The following NUP98 variants were observed in gnomAD, a reference collection of about 807,000 sequenced individuals.
NUP98 encodes nuclear pore complex protein Nup98-Nup96.
Under a neutral mutation model 191.9 loss-of-function variants are expected in NUP98, and 26 were observed. The observed-to-expected ratio is 0.14, with a 90% CI of 0.10 to 0.19. The LOEUF is 0.19. Among genes scored for constraint, NUP98 ranks in the 10% least tolerant of loss-of-function variants. NUP98 has a pLI of 1.00. For synonymous variants in NUP98, 808 were observed against 778.4 expected (o/e 1.04, Z -0.63); for missense variants, 1,941 against 2,178.8 (o/e 0.89, Z 2.17).
intron 31 of NUP98, among the ~76,000 whole-genome samples, chr11:3,677,613 G>A (rs2741863): frequency 0.65 from 98,179 of 151,704 alleles, 32,315 homozygotes; most frequent in Admixed American, 0.77. Context: ...TTACTTGTAT[G>A]TATCTCCCCC....
rs757570909 is a variant in NUP98, at chr11:3,763,050, GTT to G, written c.949-13_949-12del. 8.7e-6 allele frequency: 14 copies of G among 1,611,264 alleles called. No homozygotes were observed. The highest frequency in any genetic ancestry group is 1.2e-5 in the Non-Finnish European group (14 of 1,178,956). ...TACTCCAAATAATCCCTGCAAAGAAGTTTATATAGATTAAAAGATATCCTGTA... is the reference window on the plus strand; with the variant it reads ...TACTCCAAATAATCCCTGCAAAGAAGTATATAGATTAAAAGATATCCTGTA... On this transcript the variant is annotated splice_polypyrimidine_tract_variant and intron_variant, in intron 8 of 32. Transcript: ENST00000324932.
intron 16 of NUP98, among the ~76,000 whole-genome samples, chr11:3,721,672 C>T (rs2079405424): frequency 6.6e-6 from 1 of 151,838 alleles, no homozygotes; most frequent in South Asian, 2.1e-4. Flanking sequence ...GCACTCCAGC[C>T]TGGGCAACCA....
intron 25 of NUP98, chr11:3,696,539 T>C (rs1443654608): frequency 1.3e-5 from 2 of 151,844 alleles, no homozygotes; most frequent in Non-Finnish European, 2.9e-5. Context: ...CCGGAGGCAG[T>C]GGTTCACGCC....
chr11:3,732,942 C>T lies in NUP98; in HGVS notation c.1543-1364G>A, dbSNP rs554010232. Among the ~76,000 whole-genome samples, 4 of 152,322 alleles carry T rather than the reference C, an allele frequency of 2.6e-5. No individual in the cohort carries two copies. In the East Asian group the frequency reaches 7.7e-4, roughly 29 times the overall value. On this transcript the variant is annotated intron_variant, in intron 13 of 32. Coordinates refer to ENST00000324932, the MANE Select transcript of NUP98 (RefSeq NM_016320.5). ...CCTAGACTCGCCAAGCCCTACATAT[C>T]CATACAAAAAAGTTAAATGTTCCTC...
At chr11:3,792,721 T>C (rs1486019492) in intron 1 of NUP98, among the ~76,000 whole-genome samples, 7 of 151,990 alleles carry the variant, frequency 4.6e-5, no homozygotes, top group Admixed American at 4.6e-4. Flanking sequence ...ATCACAGAAG[T>C]GTAAAGGTCT....
intron 1 of NUP98, among the ~76,000 whole-genome samples, chr11:3,785,519 G>T (rs1024565816): frequency 4.6e-5 from 7 of 152,178 alleles, no homozygotes; most frequent in African/African-American, 1.7e-4. Flanking sequence ...AGCACTTTGG[G>T]AGGCCAAGGT....
At chr11:3,753,115 C>T (rs897579029) in intron 11 of NUP98, among the ~76,000 whole-genome samples, 15 of 152,178 alleles carry the variant, frequency 9.9e-5, no homozygotes, top group Admixed American at 1.3e-4. Context: ...GAAAAGGGAG[C>T]ATACAGCTTC....
chr11:3,676,441 G>A, intron 32 of NUP98, 65 bp from the exon 33 acceptor site: 2 of 1,601,536 alleles, frequency 1.2e-6, no homozygotes. Context: ...AGGCACTGAG[G>A]GTGGGGTGTA....
chr11:3,711,625 G>A (rs2079025127), intron 20 of NUP98: 1 of 171,070 alleles, frequency 5.8e-6, no homozygotes, highest in African/African-American at 2.4e-5. Context: ...AGAAGGAGAT[G>A]ATACAAAGCA....
Position 3,676,122 on chromosome 11 carries a change from G to T in NUP98, c.*37C>A. The T allele has an allele frequency of 1.3e-6, 2 of 1,589,218 alleles. No individual in the cohort carries two copies. The highest frequency in any genetic ancestry group is 1.1e-5 in the South Asian group (1 of 89,680). Reference sequence around the variant, plus strand: ...AAGGCAGGGAACCTCTGTGTGGTGTGAATGGGCATGTGACTGTGATGCAAA... The same window carrying T: ...AAGGCAGGGAACCTCTGTGTGGTGTTAATGGGCATGTGACTGTGATGCAAA... On this transcript the variant is annotated 3_prime_UTR_variant, in exon 33 of 33. Coordinates refer to ENST00000324932, the MANE Select transcript of NUP98 (RefSeq NM_016320.5).
chr11:3,717,119 G>A (rs558610317), intron 18 of NUP98, among the ~76,000 whole-genome samples: 7 of 152,080 alleles, frequency 4.6e-5, no homozygotes, highest in East Asian at 1.9e-4. Flanking sequence ...CTCAGCCTCC[G>A]GAGTAGCTGG....
At chr11:3,727,822 G>A (rs999956382) in intron 14 of NUP98, among the ~76,000 whole-genome samples, 4 of 151,968 alleles carry the variant, frequency 2.6e-5, no homozygotes, top group Non-Finnish European at 5.9e-5. Context: ...CTAGGAGTTT[G>A]AGACCAGCCT....
chr11:3,727,806 T>C (rs887772454), intron 14 of NUP98, among the ~76,000 whole-genome samples: 4 of 151,996 alleles, frequency 2.6e-5, no homozygotes, highest in Non-Finnish European at 4.4e-5. Context: ...GCAGGATCAC[T>C]TGAAGCTAGG....
Position 3,731,491 on chromosome 11 carries a change from G to A in NUP98, c.1630C>T (p.Arg544Trp), listed in dbSNP as rs778472582. 10 of 1,609,122 alleles carry A rather than the reference G, an allele frequency of 6.2e-6. No homozygotes were observed. The highest frequency in any genetic ancestry group is 3.4e-5 in the Admixed American group (2 of 59,494). Residue 544 changes from arginine (R) to tryptophan (W), a missense_variant, in exon 14 of 33, where the codon CGG becomes TGG. Arg to Trp is a moderately radical substitution (Grantham distance 101). Around this residue, in one of 6 missense-constraint regions of NUP98, gnomAD observed 453 missense variants for 438.2 expected, o/e 1.03. Transcript: ENST00000324932. The part of the protein sequence containing the change: ...KLTPRPATRV[R>W]PKALQTTGTA... ...CCTGTTGTTTGTAAAGCCTTTGGCC[G>A]GACTCTAGTGGCAGGGCGGGGTGTC...
In NUP98 at chr11:3,712,252, CAT is replaced by C; in HGVS notation, c.2742+310_2742+311del. 4.4e-6 allele frequency: 5 copies of C among 1,136,178 alleles called. No homozygotes were observed. The African/African-American group carries it at 7.9e-5, about 18-fold the overall frequency. 70.4% of individuals were successfully genotyped at this position (1,136,178 alleles called of 1,614,324 possible). ...GCAGAATTTACTGTGCATGAACCCA[CAT>C]GAGCAAATCTTAAGTTAATCACTGA... On this transcript the variant is annotated intron_variant, in intron 20 of 32. Coordinates refer to ENST00000324932, the MANE Select transcript of NUP98 (RefSeq NM_016320.5).
At chr11:3,701,886 A>T (rs1245394323) in intron 23 of NUP98, among the ~76,000 whole-genome samples, 1 of 151,668 alleles carries the variant, frequency 6.6e-6, no homozygotes, top group Non-Finnish European at 1.5e-5. Context: ...ACAGAGTTTC[A>T]CCGTGTTAGC....
In NUP98 at chr11:3,704,714, C is replaced by T. The variant is rs193024326; in HGVS notation, c.3082+486G>A. ...AGAGGTAATTCTAGTTCTTAAAAAC[C>T]GGCCACTCCTGCCAGGTGCAATGAC... On this transcript the variant is annotated intron_variant, in intron 22 of 32. Transcript: ENST00000324932. 9.7e-4 allele frequency among the ~76,000 whole-genome samples: 147 copies of T among 152,268 alleles called. 1 individual carries two copies. Among genetic ancestry groups the T allele is most frequent in the African/African-American group, 3.3e-3 (138 of 41,544 alleles).
chr11:3,750,475 C>A (rs1564883037), intron 11 of NUP98, among the ~76,000 whole-genome samples: 1 of 152,136 alleles, frequency 6.6e-6, no homozygotes, highest in Non-Finnish European at 1.5e-5. Flanking sequence ...AATGAAAATA[C>A]AAGTCACAGA....
At chr11:3,759,300 T>C (rs1315266332) in intron 10 of NUP98, among the ~76,000 whole-genome samples, 1 of 152,180 alleles carries the variant, frequency 6.6e-6, no homozygotes, top group Non-Finnish European at 1.5e-5. Flanking sequence ...AGTTATAAGA[T>C]ATATTGAAAA....
Sources: allele counts gnomAD v4.1 joint callset (sites outside exome capture counted in the v4.1 genomes callset), GRCh38; gene constraint gnomAD v4.1.1; regional missense constraint gnomAD v4.1.1; transcripts MANE v1.5; gene names NCBI Gene and HGNC (gene_info 2026-07-23, HGNC 2026-07-21).